The following LPIN2 variants were observed in gnomAD, a reference collection of about 807,000 sequenced individuals.
LPIN2 encodes lipin 2.
LPIN2 carries 55 observed loss-of-function variants against 111.4 expected under a neutral mutation model. The ratio of observed to expected loss-of-function variants is 0.49; its 90% CI spans 0.40 to 0.62. The LOEUF is 0.62. LPIN2 is among the 20% of genes least tolerant of loss of function. LPIN2 has a pLI of 0.00. For synonymous variants in LPIN2, 425 were observed against 414.0 expected, an observed-to-expected ratio of 1.03 and a Z score of -0.32; for missense variants, 992 against 1,112.1, an observed-to-expected ratio of 0.89 and a Z score of 1.54.
At chr18:3,009,410 T>C (rs1181295773) in intron 1 of LPIN2, among the ~76,000 whole-genome samples, 1 of 151,822 alleles carries the variant, frequency 6.6e-6, no homozygotes, top group Non-Finnish European at 1.5e-5. Context: ...AAATTCTAAA[T>C]TCAAAGATTA....
chr18:2,986,546 G>C (rs1462844894), intron 1 of LPIN2, among the ~76,000 whole-genome samples: 1 of 9,824 alleles, frequency 1.0e-4, no homozygotes, highest in Non-Finnish European at 4.7e-4. Flanking sequence ...TTTTTTTAAT[G>C]TAAAAAAAAA....
At chr18:3,000,057 AGAG>A (rs948449290) in intron 1 of LPIN2, among the ~76,000 whole-genome samples, 3 of 145,532 alleles carry the variant, frequency 2.1e-5, no homozygotes, top group Non-Finnish European at 4.5e-5. Context: ...AAAAAGAAGA[AGAG>A]GAGGAGGAGG....
chr18:2,934,526 CA>C, intron 7 of LPIN2, 76 bp from the exon 8 acceptor site: 1 of 922,518 alleles, frequency 1.1e-6, no homozygotes, highest in Non-Finnish European at 1.8e-6. Context: ...CGCACGTTTG[CA>C]AACAGTAAGA....
At chr18:2,957,133 T>C (rs1413749245) in intron 2 of LPIN2, among the ~76,000 whole-genome samples, 1 of 152,262 alleles carries the variant, frequency 6.6e-6, no homozygotes, top group East Asian at 1.9e-4. Flanking sequence ...AGGACTAAGA[T>C]GCTGAAATGA....
intron 8 of LPIN2, among the ~76,000 whole-genome samples, chr18:2,933,025 A>G (rs1598533843): frequency 6.6e-6 from 1 of 152,270 alleles, no homozygotes; most frequent in African/African-American, 2.4e-5. Context: ...CGTCTGACTC[A>G]GGATGCCACC....
chr18:2,970,035 A>G (rs1216521097), intron 1 of LPIN2, among the ~76,000 whole-genome samples: 2 of 152,228 alleles, frequency 1.3e-5, no homozygotes, highest in Non-Finnish European at 2.9e-5. Flanking sequence ...TAGAACTGGC[A>G]GTGCTTCTGT....
chr18:2,941,574 AT>A (rs1455543390), intron 4 of LPIN2, among the ~76,000 whole-genome samples: 1 of 152,210 alleles, frequency 6.6e-6, no homozygotes, highest in Non-Finnish European at 1.5e-5. Context: ...TTCAGAGTCA[AT>A]GTGAGAGTTA....
intron 1 of LPIN2, among the ~76,000 whole-genome samples, chr18:3,002,292 C>G (rs976748117): frequency 1.4e-5 from 2 of 145,838 alleles, no homozygotes; most frequent in Non-Finnish European, 3.0e-5. Context: ...CCAGTACCTA[C>G]GTTTTTCAAC....
In LPIN2 at chr18:2,923,517, T is replaced by A. The variant is rs1378634675; in HGVS notation, c.2174+258A>T. Among the ~76,000 whole-genome samples the A allele has an allele frequency of 6.4e-4, 73 of 113,876 alleles. 1 individual carries two copies. The highest frequency in any genetic ancestry group is 2.5e-4 in the Non-Finnish European group (13 of 51,590). The allele number at this position is 113,876 out of a possible 152,430, so 74.7% of individuals were successfully genotyped here. On this transcript the variant is annotated intron_variant, in intron 16 of 19. Coordinates refer to ENST00000677752, the MANE Select transcript of LPIN2 (RefSeq NM_001375808.2). ...TCTTATTAAATTCTAGCTAAAAAAA[T>A]AACTGTCATTCTAGTTATAGATGTA...
chr18:2,934,294 T>C, intron 8 of LPIN2, 57 bp downstream of exon 8: 2 of 1,232,234 alleles, frequency 1.6e-6, no homozygotes, highest in Non-Finnish European at 2.4e-6. Flanking sequence ...AATGTTTTAC[T>C]CTAGAAATAA....
intron 2 of LPIN2, among the ~76,000 whole-genome samples, chr18:2,957,449 C>A (rs2077630205): frequency 6.6e-6 from 1 of 152,122 alleles, no homozygotes; most frequent in Non-Finnish European, 1.5e-5. Context: ...AAAATGAAAT[C>A]CAAAATGCTC....
chr18:2,991,092 G>A lies in LPIN2; in HGVS notation c.-10+21995C>T. The A allele has an allele frequency of 3.8e-5, 20 of 527,624 alleles. 2 individuals carry two copies. Among genetic ancestry groups the A allele is most frequent in the South Asian group, 3.0e-4 (20 of 66,876 alleles). 32.7% of individuals were successfully genotyped at this position (527,624 alleles called of 1,614,324 possible). ...CTCGAGCAGACAGAAAGGATAGAGGGGAGGCCTCCCTATATCAGTTTTATA... is the reference window on the plus strand; with the variant it reads ...CTCGAGCAGACAGAAAGGATAGAGGAGAGGCCTCCCTATATCAGTTTTATA... On this transcript the variant is annotated intron_variant, in intron 1 of 19. Transcript: ENST00000677752.
intron 1 of LPIN2, among the ~76,000 whole-genome samples, chr18:3,010,094 A>G (rs2078577768): frequency 1.3e-5 from 2 of 152,124 alleles, no homozygotes; most frequent in Admixed American, 1.3e-4. Flanking sequence ...CCCACTACAC[A>G]TGGGTTGCCA....
At chr18:2,977,186 C>T (rs1199452001) in intron 1 of LPIN2, 2 of 97,390 alleles carry the variant, frequency 2.1e-5, no homozygotes, top group African/African-American at 5.9e-5. Context: ...GCAGTGAGAC[C>T]TTGTCAAAAA....
intron 1 of LPIN2, among the ~76,000 whole-genome samples, chr18:2,983,870 A>G (rs2078148259): frequency 6.6e-6 from 1 of 152,096 alleles, no homozygotes; most frequent in South Asian, 2.1e-4. Context: ...TTATATTTCT[A>G]TTGGACAATG....
intron 9 of LPIN2, among the ~76,000 whole-genome samples, chr18:2,929,648 A>AT (rs1347006222): frequency 2.6e-5 from 4 of 152,192 alleles, no homozygotes; most frequent in East Asian, 3.8e-4. Context: ...GCTCACACCT[A>AT]TAATTCCAAC....
intron 1 of LPIN2, among the ~76,000 whole-genome samples, chr18:2,996,097 T>C (rs940750307): frequency 6.6e-6 from 1 of 152,128 alleles, no homozygotes; most frequent in Non-Finnish European, 1.5e-5. Flanking sequence ...TCCCAGCATT[T>C]TGGGAGGCCG....
At chr18:2,974,663 G>T (rs1277560925) in intron 1 of LPIN2, among the ~76,000 whole-genome samples, 1 of 152,126 alleles carries the variant, frequency 6.6e-6, no homozygotes, top group Non-Finnish European at 1.5e-5. Context: ...GATGATGGGG[G>T]AAAAAGTGGA....
chr18:3,006,037 A>G (rs1446314066), intron 1 of LPIN2, among the ~76,000 whole-genome samples: 7 of 152,190 alleles, frequency 4.6e-5, no homozygotes, highest in African/African-American at 7.2e-5. Flanking sequence ...GGCCTCTGGC[A>G]AATCTCTTTC....
Sources: gnomAD v4.1 joint callset for allele counts (sites outside exome capture counted in the v4.1 genomes callset) on GRCh38, gnomAD v4.1.1 for gene constraint, MANE v1.5 for transcripts, NCBI Gene and HGNC (gene_info 2026-07-23, HGNC 2026-07-21) for gene names.